EIF4H: variants seen among roughly 807,000 people sequenced by gnomAD.
EIF4H encodes the protein eukaryotic translation initiation factor 4H, also known as Williams-Beuren syndrome chromosome region 1.
EIF4H carries 8 observed loss-of-function variants against 30.6 expected under a neutral mutation model. The observed-to-expected ratio is 0.26, with a 90% CI of 0.15 to 0.47. The LOEUF (loss-of-function observed/expected upper bound fraction) is 0.47. Ranked by LOEUF, EIF4H falls within the 20% of genes least tolerant of loss-of-function variation. The pLI, the probability that EIF4H is intolerant of heterozygous loss-of-function variation, is 0.99. For synonymous variants in EIF4H, 106 were observed against 122.7 expected, an observed-to-expected ratio of 0.86 and a Z score of 0.90; for missense variants, 188 against 339.5, an observed-to-expected ratio of 0.55 and a Z score of 3.51.
At chr7:74,177,612 C>A (rs1800870648) in intron 1 of EIF4H, among the ~76,000 whole-genome samples, 1 of 152,198 alleles carries the variant, frequency 6.6e-6, no homozygotes, top group African/African-American at 2.4e-5. Flanking sequence ...AAAACTACAG[C>A]TAGTTTTCAC....
In EIF4H at chr7:74,190,157, T is replaced by G. The variant is rs551678247; in HGVS notation, c.410-90T>G. The G allele has an allele frequency of 2.9e-5, 39 of 1,368,230 alleles. No individual in the cohort carries two copies. In the African/African-American group the frequency reaches 3.3e-4, roughly 12 times the overall value. 84.8% of individuals were successfully genotyped at this position (1,368,230 alleles called of 1,614,324 possible). On this transcript the variant is annotated intron_variant, in intron 4 of 6. Transcript: ENST00000265753. ...TGATTTCATTGAACCTTCCATCACT[T>G]GAGTTGTATGTCTTCCAAATGAATT...
chr7:74,194,470 CT>C (rs782115363), intron 5 of EIF4H, among the ~76,000 whole-genome samples: 18 of 152,170 alleles, frequency 1.2e-4, no homozygotes, highest in Non-Finnish European at 2.2e-4. Context: ...TATTTTTCTA[CT>C]TTTCATGCAA....
At chr7:74,177,756 C>T (rs1244865018) in intron 1 of EIF4H, among the ~76,000 whole-genome samples, 1 of 152,162 alleles carries the variant, frequency 6.6e-6, no homozygotes, top group Non-Finnish European at 1.5e-5. Context: ...CCATTATCCT[C>T]TATGAAAAGT....
At chr7:74,186,869 A>AGTGCAGTG (rs1801095593) in intron 1 of EIF4H, among the ~76,000 whole-genome samples, 1 of 119,932 alleles carries the variant, frequency 8.3e-6, no homozygotes, top group East Asian at 2.8e-4. Context: ...CGTGAGCTGA[A>AGTGCAGTG]GTGCAGTGGT....
At position 74,196,777 on chromosome 7, in the gene EIF4H, T is replaced by A. The variant is rs1360939704; in HGVS notation, c.*1469T>A. 3 of 151,342 alleles carry A rather than the reference T, an allele frequency of 2.0e-5. No homozygotes were observed. In the East Asian group the frequency reaches 5.8e-4, roughly 29 times the overall value. 9.4% of individuals were successfully genotyped at this position (151,342 alleles called of 1,614,324 possible). On this transcript the variant is annotated 3_prime_UTR_variant, in exon 7 of 7. Coordinates refer to ENST00000265753, the MANE Select transcript of EIF4H (RefSeq NM_022170.2). The stretch of plus-strand genomic sequence containing the variant: ...AAGGCCTCAGCAATCCACAGAACTC[T>A]CTCTCCTTCCTTCCACCTGTCAGCT...
At chr7:74,187,062 T>C (rs1420640561) in intron 1 of EIF4H, among the ~76,000 whole-genome samples, 1 of 152,106 alleles carries the variant, frequency 6.6e-6, no homozygotes, top group East Asian at 1.9e-4. Flanking sequence ...GGGTACTTGC[T>C]TAGGTTTTAG....
chr7:74,189,282 GC>G (rs1382416571), intron 2 of EIF4H, among the ~76,000 whole-genome samples: 1 of 152,284 alleles, frequency 6.6e-6, no homozygotes, highest in East Asian at 1.9e-4. Context: ...GGCACTTTAA[GC>G]CTCTTTCTTC....
chr7:74,189,665 T>A lies in EIF4H; in HGVS notation c.248-8T>A. ...TTGAGGAAATCGGGGTCTTCTTTTC[T>A]TTTCCAGGATTCTGCTATGTAGAAT... On this transcript the variant is annotated splice_polypyrimidine_tract_variant and splice_region_variant and intron_variant, in intron 2 of 6. Coordinates refer to ENST00000265753, the MANE Select transcript of EIF4H (RefSeq NM_022170.2). 3.7e-6 allele frequency: 6 copies of A among 1,613,032 alleles called. No individual in the cohort carries two copies. The highest frequency in any genetic ancestry group is 4.2e-6 in the Non-Finnish European group (5 of 1,179,870).
chr7:74,185,152 C>T lies in EIF4H; in HGVS notation c.60-2459C>T, dbSNP rs570088799. On this transcript the variant is annotated intron_variant, in intron 1 of 6. Coordinates refer to ENST00000265753, the MANE Select transcript of EIF4H (RefSeq NM_022170.2). The stretch of plus-strand genomic sequence containing the variant: ...GACTACAAGTGTGGACCATCACTCC[C>T]GGCTAATTTTTTGTATTTTTTATAG... 2.9e-3 allele frequency among the ~76,000 whole-genome samples: 442 copies of T among 151,898 alleles called. 1 individual carries two copies. The highest frequency in any genetic ancestry group is 6.8e-3 in the Middle Eastern group (2 of 292).
intron 1 of EIF4H, 64 bp from the exon 2 acceptor site, chr7:74,187,547 C>G: frequency 1.4e-6 from 2 of 1,425,784 alleles, no homozygotes; most frequent in Non-Finnish European, 1.9e-6. Context: ...AGCGGAAGAC[C>G]GCTTTACTTG....
chr7:74,181,643 C>A (rs1554708418), intron 1 of EIF4H, among the ~76,000 whole-genome samples: 1 of 151,950 alleles, frequency 6.6e-6, no homozygotes, highest in African/African-American at 2.4e-5. Context: ...AGGGTTTCTA[C>A]ATGTTGGTCA....
chr7:74,194,061 A>G (rs1349921972), intron 5 of EIF4H, among the ~76,000 whole-genome samples: 1 of 152,258 alleles, frequency 6.6e-6, no homozygotes, highest in Non-Finnish European at 1.5e-5. Flanking sequence ...TTCTGCCAAG[A>G]GCCCACTTAG....
rs74646742 is a variant in EIF4H at position 74,191,043 on chromosome 7, C to T, written c.469+737C>T. Among the ~76,000 whole-genome samples, 567 of 152,240 alleles carry T rather than the reference C, an allele frequency of 3.7e-3. 4 individuals are homozygous for T. The highest frequency in any genetic ancestry group is 0.013 in the African/African-American group (530 of 41,540). Reference sequence around the variant, plus strand: ...TGCTGTGCTGTATAGAACGTCAGCACCCTCCCCCCATCAAAACAAAACCGG... The same window carrying T: ...TGCTGTGCTGTATAGAACGTCAGCATCCTCCCCCCATCAAAACAAAACCGG... On this transcript the variant is annotated intron_variant, in intron 5 of 6. Coordinates refer to ENST00000265753, the MANE Select transcript of EIF4H (RefSeq NM_022170.2).
Position 74,196,282 on chromosome 7 carries a change from T to C in EIF4H, c.*974T>C, listed in dbSNP as rs569183773. 6.5e-6 allele frequency: 1 copy of C among 152,694 alleles called. No individual in the cohort carries two copies. Among genetic ancestry groups the C allele is most frequent in the Non-Finnish European group, 1.5e-5 (1 of 68,066 alleles). The allele number at this position is 152,694 out of a possible 1,614,324, so 9.5% of individuals were successfully genotyped here. ...CCTGTGTGTTGTGTGGATCTGTTCC[T>C]AGTATAGGCAACATAATGAGATACT... On this transcript the variant is annotated 3_prime_UTR_variant, in exon 7 of 7. Transcript: ENST00000265753.
chr7:74,190,175 A>T, intron 4 of EIF4H, 72 bp from the exon 5 acceptor site: 1 of 1,500,096 alleles, frequency 6.7e-7, no homozygotes, highest in Non-Finnish European at 9.2e-7. Context: ...ATGTCTTCCA[A>T]ATGAATTTTT....
At position 74,189,892 on chromosome 7, in the gene EIF4H, T is replaced by C; in HGVS notation, c.383T>C (p.Phe128Ser). 6.2e-7 allele frequency: 1 copy of C among 1,614,222 alleles called. No individual in the cohort carries two copies. The highest frequency in any genetic ancestry group is 1.3e-5 in the African/African-American group (1 of 75,074). Reference protein sequence around the residue: ...GRKQDKGGFGFRKGGPDDRGM... With the variant: ...GRKQDKGGFGSRKGGPDDRGM... ...AAACAAGATAAAGGTGGCTTTGGAT[T>C]CAGAAAAGGTGGACCAGATGACAGA... Residue 128 changes from phenylalanine to serine, a missense_variant, in exon 4 of 7, where the codon TTC becomes TCC. Phe to Ser is a radical substitution (Grantham distance 155). Coordinates refer to ENST00000265753, the MANE Select transcript of EIF4H (RefSeq NM_022170.2).
chr7:74,193,050 T>C (rs1801260835), intron 5 of EIF4H, among the ~76,000 whole-genome samples: 1 of 152,150 alleles, frequency 6.6e-6, no homozygotes, highest in African/African-American at 2.4e-5. Flanking sequence ...AACATTGAAC[T>C]CAGGGCCAGC....
chr7:74,185,204 G>T (rs1005486980), intron 1 of EIF4H, among the ~76,000 whole-genome samples: 4 of 151,960 alleles, frequency 2.6e-5, no homozygotes, highest in African/African-American at 9.7e-5. Flanking sequence ...TGTTGCCCAG[G>T]CTGGTCTTGA....
intron 2 of EIF4H, 151 bp from the exon 3 acceptor site, chr7:74,189,522 A>G: frequency 2.7e-6 from 2 of 747,866 alleles, no homozygotes; most frequent in Admixed American, 3.1e-5. Context: ...AATGCCAGTC[A>G]GGGTTCTATC....
Sources: allele counts gnomAD v4.1 joint callset (sites outside exome capture counted in the v4.1 genomes callset), GRCh38; gene constraint gnomAD v4.1.1; transcripts MANE v1.5; gene names NCBI Gene and HGNC (gene_info 2026-07-23, HGNC 2026-07-21).